LAMA1: variants seen among roughly 807,000 people sequenced by gnomAD.
The protein encoded by LAMA1 is laminin subunit alpha-1.
Under a neutral mutation model 348.7 loss-of-function variants are expected in LAMA1, and 219 were observed. That is an observed-to-expected ratio of 0.63 (90% CI 0.56 to 0.70). LAMA1 has a LOEUF of 0.70. LAMA1 is among the 30% of genes least tolerant of loss of function. The pLI is 0.00. For missense variants in LAMA1, 3,744 were observed against 3,888.0 expected, an observed-to-expected ratio of 0.96 and a Z score of 0.99; for synonymous variants, 1,487 against 1,491.0, an observed-to-expected ratio of 1.00 and a Z score of 0.06.
At chr18:7,080,250 C>T (rs376290888) in intron 2 of LAMA1, 37 bp downstream of exon 2, 31 of 1,613,316 alleles carry the variant, frequency 1.9e-5, no homozygotes, top group Non-Finnish European at 2.5e-5. Context: ...AGTGTACATT[C>T]CCATGGGAAT....
At chr18:7,083,193 A>ATTTTTTTTTTTTTTTTTTTTT (rs10685378) in intron 1 of LAMA1, among the ~76,000 whole-genome samples, 1 of 141,074 alleles carries the variant, frequency 7.1e-6, no homozygotes, top group African/African-American at 2.6e-5. Context: ...ATATATATAC[A>ATTTTTTTTTTTTTTTTTTTTT]TTTTTTTTTT....
chr18:7,009,268 T>C lies in LAMA1; in HGVS notation c.3972A>G (p.Ala1324=), dbSNP rs1327589926. 5 of 1,614,110 alleles carry C rather than the reference T, an allele frequency of 3.1e-6. No individual in the cohort carries two copies. The South Asian group carries it at 3.3e-5, about 11-fold the overall frequency. Residue 1324 remains alanine (A), a synonymous_variant, in exon 27 of 63, where the codon GCA becomes GCG. Coordinates refer to ENST00000389658, the MANE Select transcript of LAMA1 (RefSeq NM_005559.4). ...LSDIEYILIK[A]SYGQGLQQSR... The stretch of plus-strand genomic sequence containing the variant: ...TCTGCTGTAATCCTTGACCATACGA[T>C]GCCTTGATGAGGATGTACTCAATAT...
At chr18:6,967,874 G>A (rs887609842) in intron 48 of LAMA1, among the ~76,000 whole-genome samples, 23 of 152,226 alleles carry the variant, frequency 1.5e-4, no homozygotes, top group Admixed American at 3.3e-4. Context: ...TCAAGAACGC[G>A]GGGGCTCTGC....
chr18:6,973,041 A>ACTTTCGTAATGTTACCTTGATTTGTCCTC lies in LAMA1; in HGVS notation c.6761_6774+15dup, dbSNP rs2057665335. ...CAGTCAATCAGTCCTGTTCAGAAGA[A>ACTTTCGTAATGTTACCTTGATTTGTCCTC]CTTTCGTAATGTTACCTTGATTTGT... is the stretch of plus-strand genomic sequence containing the variant. On this transcript the variant is annotated intron_variant, in intron 47 of 62. Transcript: ENST00000389658. 17 of 1,613,930 alleles carry ACTTTCGTAATGTTACCTTGATTTGTCCTC rather than the reference A, an allele frequency of 1.1e-5. No individual in the cohort carries two copies. Among genetic ancestry groups the ACTTTCGTAATGTTACCTTGATTTGTCCTC allele is most frequent in the Non-Finnish European group, 1.4e-5 (17 of 1,179,836 alleles).
In LAMA1 at chr18:6,983,233, C is replaced by T; in HGVS notation, c.5662G>A (p.Gly1888Ser). 1 of 1,614,128 alleles carries T rather than the reference C, an allele frequency of 6.2e-7. No individual in the cohort carries two copies. The highest frequency in any genetic ancestry group is 8.5e-7 in the Non-Finnish European group (1 of 1,180,020). Residue 1888 changes from glycine (G) to serine (S), a missense_variant and splice_region_variant, in exon 40 of 63, where the codon GGC (glycine) becomes AGC (serine). Around this residue, in one of 3 missense-constraint regions of LAMA1, gnomAD observed 1,983 missense variants for 1,934.3 expected, o/e 1.03. Transcript: ENST00000389658. Reference protein sequence around the residue: ...FQRLADVLYSGLENIRNVSLN... With the variant: ...FQRLADVLYSSLENIRNVSLN... ...GACACATTTCTGATGTTTTCAAGGCCACTATCAAAGCAGCATATTTAGATA... is the reference window on the plus strand; with the variant it reads ...GACACATTTCTGATGTTTTCAAGGCTACTATCAAAGCAGCATATTTAGATA...
At position 6,999,536 on chromosome 18, in the gene LAMA1, T is replaced by C. The variant is rs1436149002; in HGVS notation, c.4572A>G (p.Thr1524=). 3 of 1,614,110 alleles carry C rather than the reference T, an allele frequency of 1.9e-6. No individual in the cohort carries two copies. Among genetic ancestry groups the C allele is most frequent in the Non-Finnish European group, 1.7e-6 (2 of 1,179,998 alleles). Residue 1524 remains threonine (T), a synonymous_variant, in exon 32 of 63, where the codon ACA becomes ACG. Coordinates refer to ENST00000389658, the MANE Select transcript of LAMA1 (RefSeq NM_005559.4). ...CCAGCCTGCAAACGCACTGCCCAGA[T>C]GTGCGGTCACAGTCACCGTGGACAG... ...HGSVHGDCDR[T]SGQCVCRLGA...
intron 3 of LAMA1, among the ~76,000 whole-genome samples, chr18:7,067,264 AC>A (rs1255515369): frequency 7.3e-6 from 1 of 137,852 alleles, no homozygotes; most frequent in Non-Finnish European, 1.5e-5. Context: ...AACTGGAAAT[AC>A]CCAGCAAGAC....
At chr18:7,055,886 C>T (rs1160866722) in intron 3 of LAMA1, among the ~76,000 whole-genome samples, 1 of 151,712 alleles carries the variant, frequency 6.6e-6, no homozygotes, top group African/African-American at 2.4e-5. Context: ...TCGAGACCAT[C>T]CTGGCTAACA....
intron 1 of LAMA1, among the ~76,000 whole-genome samples, chr18:7,109,915 G>A (rs1046533617): frequency 1.3e-5 from 2 of 152,216 alleles, no homozygotes; most frequent in African/African-American, 4.8e-5. Context: ...CGGGTGCGGT[G>A]GCTCACGCCT....
At chr18:7,006,308 G>T (rs146939580) in intron 29 of LAMA1, among the ~76,000 whole-genome samples, 2,233 of 152,182 alleles carry the variant, frequency 0.015, 25 homozygotes, top group Middle Eastern at 0.037. Flanking sequence ...GGAGAAGGTG[G>T]CTGAGAAGCA....
chr18:6,957,287 G>A (rs2057584168), intron 55 of LAMA1: 3 of 170,522 alleles, frequency 1.8e-5, no homozygotes, highest in South Asian at 2.9e-4. Context: ...CCACAGAAAC[G>A]TTTCTGCTCT....
At chr18:7,044,695 T>G in intron 7 of LAMA1, 27 bp downstream of exon 7, 1 of 1,556,088 alleles carries the variant, frequency 6.4e-7, no homozygotes, top group Non-Finnish European at 8.9e-7. Context: ...AAAACTGTAC[T>G]GACCTTCAGA....
chr18:6,948,839 G>A (rs547793522), intron 59 of LAMA1, among the ~76,000 whole-genome samples: 2 of 152,276 alleles, frequency 1.3e-5, no homozygotes, highest in East Asian at 3.9e-4. Flanking sequence ...ATATGCATTT[G>A]CTGGGCTTCC....
In LAMA1 at chr18:7,042,205, G is replaced by T. The variant is rs757753574; in HGVS notation, c.1201C>A (p.Pro401Thr). 2 of 1,612,602 alleles carry T rather than the reference G, an allele frequency of 1.2e-6. No individual in the cohort carries two copies. The highest frequency in any genetic ancestry group is 1.7e-6 in the Non-Finnish European group (2 of 1,179,292). The change falls in exon 9 of 63, where the codon CCT becomes ACT. Residue 401 changes from proline (P) to threonine (T), a missense_variant. Physicochemically the swap from Pro to Thr is conservative, Grantham distance 38. Transcript: ENST00000389658. ...DEPCRPCNCD[P>T]VGSLSSVCIK... is the part of the protein sequence containing the mutation. ...CAGACAGAACTGAGGGACCCCACAG[G>T]GTCACAATTACAGGGGCGGCAAGGC...
intron 33 of LAMA1, among the ~76,000 whole-genome samples, chr18:6,996,590 T>C (rs938044917): frequency 2.0e-5 from 3 of 151,906 alleles, no homozygotes; most frequent in African/African-American, 4.8e-5. Context: ...CTGCACAACA[T>C]AGTGAGAGCT....
rs139341518 is a variant in LAMA1, at chr18:7,074,214, C to G, written c.345+5761G>C. On this transcript the variant is annotated intron_variant, in intron 3 of 62. Coordinates refer to ENST00000389658, the MANE Select transcript of LAMA1 (RefSeq NM_005559.4). ...GCACAGGGTTCCATTTTCTTCACAT[C>G]CTCACCAACACTTATTATTTTCCAA... Among the ~76,000 whole-genome samples the G allele has an allele frequency of 2.7e-3, 407 of 152,244 alleles. 1 individual carries two copies. Among genetic ancestry groups the G allele is most frequent in the Admixed American group, 4.4e-3 (68 of 15,294 alleles).
chr18:6,979,756 G>A (rs1341345785), intron 42 of LAMA1, among the ~76,000 whole-genome samples: 20 of 151,854 alleles, frequency 1.3e-4, no homozygotes, highest in South Asian at 6.2e-4. Flanking sequence ...AAAATTAGCC[G>A]GGGACGGTGG....
rs931460105 is a variant in LAMA1 at position 7,071,606 on chromosome 18, A to G, written c.345+8369T>C. ...GGCAAATGATGCGTAAGCCATATAG[A>G]AACTATTAATGCAGCTTTAACAATT... On this transcript the variant is annotated intron_variant, in intron 3 of 62. Coordinates refer to ENST00000389658, the MANE Select transcript of LAMA1 (RefSeq NM_005559.4). Among the ~76,000 whole-genome samples the G allele has an allele frequency of 2.0e-5, 3 of 152,244 alleles. No homozygotes were observed. In the East Asian group the frequency reaches 5.8e-4, roughly 29 times the overall value.
intron 1 of LAMA1, among the ~76,000 whole-genome samples, chr18:7,105,414 C>T (rs952357270): frequency 1.3e-5 from 2 of 151,472 alleles, no homozygotes; most frequent in Admixed American, 1.3e-4. Context: ...ACTCGAGCCT[C>T]GGCGACAGAG....
Sources: gnomAD v4.1 joint callset for allele counts (sites outside exome capture counted in the v4.1 genomes callset) on GRCh38, gnomAD v4.1.1 for gene constraint, gnomAD v4.1.1 regional missense constraint, MANE v1.5 for transcripts, NCBI Gene and HGNC (gene_info 2026-07-23, HGNC 2026-07-21) for gene names.